Variants in TPM1 observed in about 807,000 individuals in gnomAD.
TPM1 encodes tropomyosin alpha-1 chain.
Under a neutral mutation model 42.9 loss-of-function variants are expected in TPM1, and 24 were observed. The observed-to-expected ratio is 0.56, with a 90% CI of 0.41 to 0.79. The LOEUF (loss-of-function observed/expected upper bound fraction) is 0.79. Among genes scored for constraint, TPM1 ranks in the 30% least tolerant of loss-of-function variants. The pLI, the probability that TPM1 is intolerant of heterozygous loss-of-function variation, is 0.00. For synonymous variants in TPM1, 136 were observed against 130.1 expected (o/e 1.05, Z -0.31); for missense variants, 158 against 351.8 (o/e 0.45, Z 4.41).
intron 1 of TPM1, chr15:63,043,553 T>C: frequency 7.9e-7 from 1 of 1,260,060 alleles, no homozygotes; most frequent in South Asian, 1.3e-5. Context: ...CGGTTCCAGC[T>C]CGGGTAAAGA....
At chr15:63,068,876 C>T (rs888339836), downstream of TPM1, among the ~76,000 whole-genome samples, 9 of 152,230 alleles carry the variant, frequency 5.9e-5, no homozygotes, top group East Asian at 1.5e-3. Flanking sequence ...GGGCTGGGCG[C>T]GGTGGCTCAT....
chr15:63,043,854 CGT>C, intron 1 of TPM1, 171 bp from the exon 2 acceptor site: 1 of 1,548,988 alleles, frequency 6.5e-7, no homozygotes, highest in Non-Finnish European at 8.7e-7. Flanking sequence ...CGCGGCACGG[CGT>C]GGCGCACGAA....
At chr15:63,044,279 A>G (rs1236824815) in intron 2 of TPM1, 127 bp downstream of exon 2, 2 of 1,419,802 alleles carry the variant, frequency 1.4e-6, no homozygotes, top group Admixed American at 1.8e-5. Context: ...CAGCCCTGCC[A>G]TGGCCCAGAG....
chr15:63,043,630 C>A (rs2031687941), intron 1 of TPM1: 2 of 1,532,856 alleles, frequency 1.3e-6, no homozygotes, highest in East Asian at 4.9e-5. Context: ...CCCCAGCCAA[C>A]CCGACGCCCG....
chr15:63,056,767 A>C, intron 2 of TPM1: 1 of 628,624 alleles, frequency 1.6e-6, no homozygotes, highest in South Asian at 1.7e-5. Flanking sequence ...TTGTGTGTAT[A>C]GATTTGTGTA....
chr15:63,048,845 G>A, intron 2 of TPM1: 1 of 1,205,078 alleles, frequency 8.3e-7, no homozygotes, highest in Non-Finnish European at 1.2e-6. Context: ...GCGCACCTGG[G>A]CCAGCTGGCG....
chr15:63,071,459 A>C (rs1029143645), exon 9 of TPM1: 3 of 388,812 alleles, frequency 7.7e-6, no homozygotes, highest in African/African-American at 6.2e-5. Context: ...AAGCAGAAGA[A>C]GTTCCATTCA....
chr15:63,068,128 A>G (rs1301952266), downstream of TPM1, among the ~76,000 whole-genome samples: 4 of 152,206 alleles, frequency 2.6e-5, no homozygotes, highest in Non-Finnish European at 5.9e-5. Flanking sequence ...GTGTGAATGT[A>G]GTAATGGGAT....
chr15:63,063,836 T>G, intron 8 of TPM1: 4 of 553,192 alleles, frequency 7.2e-6, no homozygotes. Flanking sequence ...ATTGAGTCTT[T>G]TTCATTTTAT....
exon 9 of TPM1, chr15:63,071,214 T>G (rs760192213): frequency 6.2e-7 from 1 of 1,602,100 alleles, no homozygotes. Flanking sequence ...TTTTGTTTTG[T>G]TTTGTTTTTA....
At chr15:63,062,938 G>A in intron 8 of TPM1, 1 of 1,442,610 alleles carries the variant, frequency 6.9e-7, no homozygotes, top group Non-Finnish European at 9.0e-7. Context: ...GTGCTTATTG[G>A]TGAGAATGAC....
At chr15:63,048,203 G>A in intron 2 of TPM1, 1 of 461,578 alleles carries the variant, frequency 2.2e-6, no homozygotes, top group Non-Finnish European at 4.3e-6. Context: ...GCCGCGGAGG[G>A]GCCCTAGAAG....
At chr15:63,056,834 C>A in intron 2 of TPM1, 151 bp from the exon 3 acceptor site, 1 of 991,784 alleles carries the variant, frequency 1.0e-6, no homozygotes, top group Non-Finnish European at 1.6e-6. Context: ...CCGAGAACTC[C>A]AGAGTTGATG....
chr15:63,065,663 T>A, intron 9 of TPM1: 2 of 982,516 alleles, frequency 2.0e-6, no homozygotes, highest in Middle Eastern at 1.0e-3. Flanking sequence ...TTTTTGTTTT[T>A]AAATTCTGTT....
intron 1 of TPM1, chr15:63,043,640 G>A (rs1199928140): frequency 5.2e-6 from 8 of 1,534,490 alleles, no homozygotes; most frequent in Non-Finnish European, 7.0e-6. Flanking sequence ...CCCGACGCCC[G>A]TGTGTTGTGT....
intron 8 of TPM1, chr15:63,063,503 C>A: frequency 2.9e-6 from 1 of 342,046 alleles, no homozygotes; most frequent in Non-Finnish European, 4.1e-6. Flanking sequence ...GGGAAGACCA[C>A]AGGAGTAGCT....
intron 4 of TPM1, 142 bp from the exon 5 acceptor site, chr15:63,060,727 C>T (rs1898035948): frequency 2.2e-6 from 2 of 905,692 alleles, no homozygotes; most frequent in Non-Finnish European, 3.6e-6. Flanking sequence ...AGTTGCTTCT[C>T]TCTGGTCTAC....
At chr15:63,060,797 C>T (rs1372635570) in intron 4 of TPM1, 72 bp from the exon 5 acceptor site, 11 of 1,543,596 alleles carry the variant, frequency 7.1e-6, no homozygotes, top group Admixed American at 3.3e-5. Flanking sequence ...GATCTGATCT[C>T]TACCCCCATG....
chr15:63,053,584 A>G (rs2034277293), intron 2 of TPM1, among the ~76,000 whole-genome samples: 2 of 152,004 alleles, frequency 1.3e-5, no homozygotes, highest in African/African-American at 2.4e-5. Context: ...GGTGGTGGCA[A>G]AGGGGATTGT....
Sources: allele counts gnomAD v4.1 joint callset (sites outside exome capture counted in the v4.1 genomes callset), GRCh38; gene constraint gnomAD v4.1.1; transcripts MANE v1.5; gene names NCBI Gene and HGNC (gene_info 2026-07-23, HGNC 2026-07-21).